Variants in TBCD observed in about 807,000 individuals in gnomAD.
TBCD encodes the protein tubulin-specific chaperone D.
A neutral mutation model predicts 169.3 loss-of-function variants in TBCD; 105 were observed. That is an observed-to-expected ratio of 0.62 (90% CI 0.53 to 0.73). The LOEUF (loss-of-function observed/expected upper bound fraction) is 0.73, where lower values mean the gene tolerates loss of function less well. Among genes scored for constraint, TBCD ranks in the 30% least tolerant of loss-of-function variants. TBCD has a pLI of 0.00. For missense variants in TBCD, 1,444 were observed against 1,600.1 expected (o/e 0.90, Z 1.66); for synonymous variants, 700 against 643.9 (o/e 1.09, Z -1.32).
rs1026038616 is a variant in TBCD at position 82,945,224 on chromosome 17, G to A, written c.*2761G>A. 1.3e-5 allele frequency: 2 copies of A among 152,206 alleles called. No homozygotes were observed. The highest frequency in any genetic ancestry group is 2.4e-5 in the African/African-American group (1 of 41,446). 9.4% of individuals were successfully genotyped at this position (152,206 alleles called of 1,614,324 possible). A position where few individuals can be genotyped will look rare whatever the true frequency, so the allele number is the denominator to read the frequency against. On this transcript the variant is annotated 3_prime_UTR_variant, in exon 39 of 39. Coordinates refer to ENST00000355528, the MANE Select transcript of TBCD (RefSeq NM_005993.5). ...CAGCTGAAGAGAGAATTAGAAAACT[G>A]GAAGATCTGAAAACATTATCCAGAG...
intron 13 of TBCD, among the ~76,000 whole-genome samples, chr17:82,842,780 C>CTTTTTTTT (rs375870095): frequency 1.2e-4 from 16 of 129,874 alleles, no homozygotes; most frequent in Non-Finnish European, 2.1e-4. Context: ...TTCTTTCTTT[C>CTTTTTTTT]TTTTTTTTTT....
At chr17:82,768,340 G>T in intron 4 of TBCD, 80 bp from the exon 5 acceptor site, 2 of 1,545,446 alleles carry the variant, frequency 1.3e-6, no homozygotes, top group East Asian at 2.3e-5. Context: ...GGCATGGAGG[G>T]CAGTGACTTT....
intron 14 of TBCD, among the ~76,000 whole-genome samples, chr17:82,882,154 A>G (rs1252457797): frequency 6.6e-6 from 1 of 152,164 alleles, no homozygotes; most frequent in Non-Finnish European, 1.5e-5. Context: ...CGCAGGGAGG[A>G]CTTTCTCAAC....
At chr17:82,834,389 G>A (rs532490346) in intron 13 of TBCD, among the ~76,000 whole-genome samples, 110 of 152,190 alleles carry the variant, frequency 7.2e-4, no homozygotes, top group African/African-American at 2.4e-3. Flanking sequence ...ACTTTAATTC[G>A]TATTAAAAAT....
intron 13 of TBCD, among the ~76,000 whole-genome samples, chr17:82,861,523 G>A (rs543727356): frequency 6.6e-6 from 1 of 152,192 alleles, no homozygotes; most frequent in African/African-American, 2.4e-5. Context: ...AGATCCAGGG[G>A]CGTCAAGAGA....
Position 82,920,457 on chromosome 17 carries a change from C to G in TBCD, c.2039-99C>G, listed in dbSNP as rs1479876997. 2 of 1,031,510 alleles carry G rather than the reference C, an allele frequency of 1.9e-6. No individual in the cohort carries two copies. The highest frequency in any genetic ancestry group is 2.8e-6 in the Non-Finnish European group (2 of 702,386). 63.9% of individuals were successfully genotyped at this position (1,031,510 alleles called of 1,614,324 possible). On this transcript the variant is annotated intron_variant, in intron 23 of 38. Coordinates refer to ENST00000355528, the MANE Select transcript of TBCD (RefSeq NM_005993.5). This position sits in a 1 kb window ranked among gnomAD's most constrained non-coding sequence, Gnocchi z 4.1. ...AGGTTGGGCGGGTGAGGGGCAGGAG[C>G]TGGCCGCACACAACTCAGAATGTGG...
At chr17:82,790,261 G>A (rs1271007000) in intron 7 of TBCD, among the ~76,000 whole-genome samples, 1 of 152,194 alleles carries the variant, frequency 6.6e-6, no homozygotes, top group African/African-American at 2.4e-5. Context: ...TGGAGGGTGT[G>A]AGCCATCCAT....
intron 27 of TBCD, among the ~76,000 whole-genome samples, chr17:82,925,907 C>G (rs966285569): frequency 6.7e-6 from 1 of 150,338 alleles, no homozygotes; most frequent in African/African-American, 2.4e-5. Flanking sequence ...GGGGGCTGGC[C>G]GTGGAGAGGC....
Position 82,768,289 on chromosome 17 carries a change from G to C in TBCD, c.436-131G>C. On this transcript the variant is annotated intron_variant, in intron 4 of 38. Coordinates refer to ENST00000355528, the MANE Select transcript of TBCD (RefSeq NM_005993.5). The stretch of plus-strand genomic sequence containing the variant: ...GTGAACGGCTTGCATTTCTGGCCCT[G>C]AGGGTGATGGCATTTGAATGGCTTT... 3.6e-6 allele frequency: 4 copies of C among 1,122,226 alleles called. No homozygotes were observed. In the South Asian group the frequency reaches 5.9e-5, roughly 16 times the overall value. 69.5% of individuals were successfully genotyped at this position (1,122,226 alleles called of 1,614,324 possible).
At chr17:82,786,915 C>T (rs2049360594) in intron 7 of TBCD, among the ~76,000 whole-genome samples, 1 of 130,022 alleles carries the variant, frequency 7.7e-6, no homozygotes, top group Admixed American at 9.4e-5. Flanking sequence ...ACACGTGTTG[C>T]ACAGCCTGCA....
intron 13 of TBCD, among the ~76,000 whole-genome samples, chr17:82,869,416 A>T (rs2057404022): frequency 6.6e-6 from 1 of 152,244 alleles, no homozygotes; most frequent in South Asian, 2.1e-4. Context: ...GCTACTTAGG[A>T]GGCTGAGGAG....
intron 17 of TBCD, among the ~76,000 whole-genome samples, chr17:82,899,979 G>A (rs2059778457): frequency 6.6e-6 from 1 of 152,146 alleles, no homozygotes; most frequent in Non-Finnish European, 1.5e-5. Context: ...TATATATTCT[G>A]TTACAAGTCG....
At chr17:82,762,372 A>C (rs1373700804) in intron 2 of TBCD, among the ~76,000 whole-genome samples, 1 of 150,024 alleles carries the variant, frequency 6.7e-6, no homozygotes, top group Non-Finnish European at 1.5e-5. Context: ...ACAAGTTTTT[A>C]GGTAGACAGA....
intron 5 of TBCD, among the ~76,000 whole-genome samples, chr17:82,771,047 CAAAAA>C (rs36015818): frequency 2.6e-5 from 1 of 38,692 alleles, no homozygotes; most frequent in African/African-American, 6.9e-5. Flanking sequence ...GACTCCGTCT[CAAAAA>C]AAAAAAAAAA....
intron 14 of TBCD, among the ~76,000 whole-genome samples, chr17:82,879,771 G>A (rs2058229405): frequency 6.6e-6 from 1 of 152,178 alleles, no homozygotes; most frequent in African/African-American, 2.4e-5. Flanking sequence ...TCTGATTTTG[G>A]TCCTGATAGT....
intron 7 of TBCD, among the ~76,000 whole-genome samples, chr17:82,790,244 G>T (rs1031120607): frequency 3.3e-5 from 5 of 152,220 alleles, no homozygotes; most frequent in Non-Finnish European, 4.4e-5. Context: ...TGCAGTAAAG[G>T]TGCTGGTGGA....
chr17:82,791,554 A>AC (rs761489253), intron 7 of TBCD, among the ~76,000 whole-genome samples: 1 of 152,198 alleles, frequency 6.6e-6, no homozygotes, highest in Non-Finnish European at 1.5e-5. Context: ...ACACACCTGA[A>AC]CGGGAGCACA....
chr17:82,815,601 G>T (rs1190765961), intron 13 of TBCD, among the ~76,000 whole-genome samples: 1 of 152,234 alleles, frequency 6.6e-6, no homozygotes, highest in African/African-American at 2.4e-5. Flanking sequence ...GTGTTTGGTG[G>T]GGAGAGTCCC....
chr17:82,836,953 GA>G (rs2054037583), intron 13 of TBCD, among the ~76,000 whole-genome samples: 1 of 152,140 alleles, frequency 6.6e-6, no homozygotes, highest in African/African-American at 2.4e-5. Context: ...AGAGTGTTTG[GA>G]GCTCAATTGC....
Sources: allele counts gnomAD v4.1 joint callset (sites outside exome capture counted in the v4.1 genomes callset), GRCh38; gene constraint gnomAD v4.1.1; non-coding constraint Gnocchi (gnomAD v3.1); transcripts MANE v1.5; gene names NCBI Gene and HGNC (gene_info 2026-07-23, HGNC 2026-07-21).